C8orf34: variants seen among roughly 807,000 people sequenced by gnomAD.
C8orf34 encodes uncharacterized protein C8orf34.
A neutral mutation model predicts 68.3 loss-of-function variants in C8orf34; 65 were observed. The ratio of observed to expected loss-of-function variants is 0.95; its 90% CI spans 0.78 to 1.17. The LOEUF (loss-of-function observed/expected upper bound fraction) is 1.17, where lower values mean the gene tolerates loss of function less well. C8orf34 is among the 50% of genes most tolerant of loss of function. C8orf34 has a pLI of 0.00. For missense variants in C8orf34, 664 were observed against 655.4 expected, an observed-to-expected ratio of 1.01 and a Z score of -0.14; for synonymous variants, 244 against 241.2, an observed-to-expected ratio of 1.01 and a Z score of -0.11.
At chr8:68,421,049 AG>A in intron 1 of C8orf34, among the ~76,000 whole-genome samples, 1 of 152,190 alleles carries the variant, frequency 6.6e-6, no homozygotes, top group South Asian at 2.1e-4. Context: ...GTTAACCCAT[AG>A]ATTTAAAAGC....
chr8:68,419,828 T>G (rs1586099572), intron 1 of C8orf34, among the ~76,000 whole-genome samples: 2 of 71,614 alleles, frequency 2.8e-5, no homozygotes, highest in Non-Finnish European at 2.5e-5. Flanking sequence ...GGGACTGTTG[T>G]GGGGTGGGGG....
At chr8:68,589,535 AG>A (rs1204250569) in intron 7 of C8orf34, among the ~76,000 whole-genome samples, 2 of 149,806 alleles carry the variant, frequency 1.3e-5, no homozygotes, top group African/African-American at 4.9e-5. Context: ...GAGAGAAAGA[AG>A]AGAAAGGAAA....
rs774022553 is a variant in C8orf34 at position 68,709,034 on chromosome 8, C to T, written c.1282C>T (p.Leu428=). Reference sequence around the variant, plus strand: ...CCTGGAAGAAAGGACAGAAGAGTCACTACCAATACTCCATTCTCCAGATGA... The same window carrying T: ...CCTGGAAGAAAGGACAGAAGAGTCATTACCAATACTCCATTCTCCAGATGA... The part of the protein sequence containing the change: ...DNLEERTEES[L]PILHSPDEKI... The change falls in exon 9 of 14, where the codon CTA becomes TTA. Residue 428 remains leucine, a synonymous_variant. Coordinates refer to ENST00000518698, the MANE Select transcript of C8orf34 (RefSeq NM_052958.4). 3 of 1,610,084 alleles carry T rather than the reference C, an allele frequency of 1.9e-6. No individual in the cohort carries two copies. The highest frequency in any genetic ancestry group is 1.1e-5 in the South Asian group (1 of 90,104).
chr8:68,743,750 C>T (rs977339203), intron 10 of C8orf34, among the ~76,000 whole-genome samples: 2 of 152,212 alleles, frequency 1.3e-5, no homozygotes, highest in African/African-American at 4.8e-5. Flanking sequence ...CGGAGTCTCG[C>T]TGATTGCTAG....
At chr8:68,679,555 C>G (rs950178385) in intron 8 of C8orf34, among the ~76,000 whole-genome samples, 8 of 151,998 alleles carry the variant, frequency 5.3e-5, no homozygotes, top group Non-Finnish European at 2.9e-5. Context: ...ATATTCTTCA[C>G]AGATATAGAA....
chr8:68,578,590 T>C (rs1816973097), intron 7 of C8orf34, among the ~76,000 whole-genome samples: 1 of 151,238 alleles, frequency 6.6e-6, no homozygotes, highest in Non-Finnish European at 1.5e-5. Flanking sequence ...TAAAAACCAA[T>C]TACAGCAAAA....
At chr8:68,651,097 A>G (rs1819344852) in intron 8 of C8orf34, among the ~76,000 whole-genome samples, 1 of 151,992 alleles carries the variant, frequency 6.6e-6, no homozygotes, top group African/African-American at 2.4e-5. Flanking sequence ...CTCCTCTATC[A>G]CCTTGATTAT....
intron 8 of C8orf34, among the ~76,000 whole-genome samples, chr8:68,659,431 T>C (rs985764886): frequency 2.0e-5 from 3 of 152,212 alleles, no homozygotes; most frequent in African/African-American, 7.2e-5. Flanking sequence ...TGTCAATCCA[T>C]TTTGAGTCTA....
At chr8:68,356,488 T>G (rs1806753175) in intron 1 of C8orf34, among the ~76,000 whole-genome samples, 1 of 152,182 alleles carries the variant, frequency 6.6e-6, no homozygotes, top group Non-Finnish European at 1.5e-5. Context: ...TTTCTGTTTA[T>G]ATGCCTGCTC....
At chr8:68,555,316 G>C (rs1486639280) in intron 7 of C8orf34, among the ~76,000 whole-genome samples, 2 of 152,140 alleles carry the variant, frequency 1.3e-5, no homozygotes, top group African/African-American at 2.4e-5. Flanking sequence ...AGGATTAAGA[G>C]AGTAAATATA....
intron 7 of C8orf34, among the ~76,000 whole-genome samples, chr8:68,604,796 G>A (rs1321590338): frequency 3.3e-5 from 5 of 152,016 alleles, no homozygotes; most frequent in Admixed American, 3.3e-4. Flanking sequence ...CTCGAGTTTG[G>A]TGATAACGTT....
intron 4 of C8orf34, among the ~76,000 whole-genome samples, chr8:68,483,685 T>A (rs1433958780): frequency 6.6e-6 from 1 of 152,208 alleles, no homozygotes; most frequent in African/African-American, 2.4e-5. Context: ...TGCTTTAGCC[T>A]GCGCACAGTG....
chr8:68,613,022 A>G (rs1389941599), intron 7 of C8orf34, among the ~76,000 whole-genome samples: 1 of 152,150 alleles, frequency 6.6e-6, no homozygotes, highest in African/African-American at 2.4e-5. Flanking sequence ...ACTTGAATAT[A>G]TATTGGTGGT....
At chr8:68,454,287 A>T (rs1328827937) in intron 3 of C8orf34, among the ~76,000 whole-genome samples, 1 of 152,050 alleles carries the variant, frequency 6.6e-6, no homozygotes, top group East Asian at 1.9e-4. Flanking sequence ...AGAATAAATC[A>T]GAATGTGTTC....
chr8:68,578,581 A>G (rs1816972672), intron 7 of C8orf34, among the ~76,000 whole-genome samples: 1 of 151,856 alleles, frequency 6.6e-6, no homozygotes, highest in Admixed American at 6.6e-5. Flanking sequence ...CCAGGGAGAT[A>G]AAAACCAATT....
chr8:68,572,525 A>T (rs1816788109), intron 7 of C8orf34, among the ~76,000 whole-genome samples: 1 of 151,638 alleles, frequency 6.6e-6, no homozygotes, highest in African/African-American at 2.4e-5. Context: ...CAGAATATAT[A>T]TATAATACTC....
At chr8:68,396,099 C>T (rs1356243850) in intron 1 of C8orf34, among the ~76,000 whole-genome samples, 1 of 151,934 alleles carries the variant, frequency 6.6e-6, no homozygotes, top group Non-Finnish European at 1.5e-5. Context: ...TTATTTATAG[C>T]ACTTCAAGCA....
intron 11 of C8orf34, among the ~76,000 whole-genome samples, chr8:68,782,188 T>C (rs1288956601): frequency 6.6e-6 from 1 of 152,202 alleles, no homozygotes; most frequent in African/African-American, 2.4e-5. Context: ...TCTTTGAACA[T>C]CAGAGACTAT....
chr8:68,495,780 CA>C (rs759418794), intron 5 of C8orf34, among the ~76,000 whole-genome samples: 5 of 152,184 alleles, frequency 3.3e-5, no homozygotes, highest in Non-Finnish European at 5.9e-5. Context: ...TCAATCTGTG[CA>C]ATTGGTTATG....
Sources: allele counts gnomAD v4.1 joint callset (sites outside exome capture counted in the v4.1 genomes callset), GRCh38; gene constraint gnomAD v4.1.1; transcripts MANE v1.5; gene names NCBI Gene and HGNC (gene_info 2026-07-23, HGNC 2026-07-21).